The following NRXN3 variants were observed in gnomAD, a reference collection of about 807,000 sequenced individuals.
NRXN3 encodes the protein neurexin III.
Under a neutral mutation model 137.6 loss-of-function variants are expected in NRXN3, and 32 were observed. The ratio of observed to expected loss-of-function variants is 0.23; its 90% confidence interval spans 0.18 to 0.31. NRXN3 has a LOEUF of 0.31. NRXN3 is among the 10% of genes least tolerant of loss of function. The probability of loss-of-function intolerance (pLI) is 1.00; values close to 1 mark genes in which losing one functional copy is unlikely to be tolerated. For missense variants in NRXN3, 1,574 were observed against 2,062.5 expected (o/e 0.76, Z 4.59); for synonymous variants, 798 against 784.5 (o/e 1.02, Z -0.29).
rs775480719 is a variant in NRXN3, at chr14:79,861,957, A to G, written c.4709A>G (p.Tyr1570Cys). ...KKQKNKDREY[Y>C]V ...CAGAAAAACAAGGACAGGGAGTATT[A>G]CGTGTAAACATGCGAACACTGCTCA... The change falls in exon 21 of 21, where the codon TAC becomes TGC. Residue 1570 changes from tyrosine to cysteine, a missense_variant. Physicochemically the swap from Tyr to Cys is radical, Grantham distance 194. Coordinates refer to ENST00000335750, the MANE Select transcript of NRXN3 (RefSeq NM_001330195.2). The surrounding 1 kb of genome is among the most constrained non-coding windows in gnomAD (Gnocchi z 5.4). 1 of 1,611,412 alleles carries G rather than the reference A, an allele frequency of 6.2e-7. No individual in the cohort carries two copies. The highest frequency in any genetic ancestry group is 1.1e-5 in the South Asian group (1 of 90,798).
chr14:79,629,809 ATGTGCGTGTGTGTGTGCG>A (rs2098324905), intron 16 of NRXN3, among the ~76,000 whole-genome samples: 1 of 150,696 alleles, frequency 6.6e-6, no homozygotes, highest in East Asian at 1.9e-4. Flanking sequence ...GTGTGTGTGT[ATGTGCGTGTGTGTGTGCG>A]TGTGTGTGTG....
chr14:79,149,219 A>G (rs74545512), intron 15 of NRXN3, among the ~76,000 whole-genome samples: 4,358 of 152,184 alleles, frequency 0.029, 109 homozygotes, highest in East Asian at 0.065. Context: ...GATCATTTCC[A>G]AAGTCCAAAG....
intron 4 of NRXN3, among the ~76,000 whole-genome samples, chr14:78,529,556 T>C (rs868117950): frequency 1.3e-5 from 2 of 152,352 alleles, no homozygotes; most frequent in South Asian, 4.1e-4. Flanking sequence ...CTTCTACCTA[T>C]CCATAGAACC....
intron 16 of NRXN3, among the ~76,000 whole-genome samples, chr14:79,581,186 C>T (rs1417946260): frequency 6.6e-6 from 1 of 152,044 alleles, no homozygotes; most frequent in African/African-American, 2.4e-5. Flanking sequence ...ATCAAATCAC[C>T]GAGCCTTTGC....
chr14:78,737,416 T>A (rs937156693), intron 8 of NRXN3, among the ~76,000 whole-genome samples: 1 of 152,096 alleles, frequency 6.6e-6, no homozygotes, highest in Non-Finnish European at 1.5e-5. Flanking sequence ...ACACTAAAAA[T>A]CTGTTCAGCT....
chr14:78,955,134 C>T (rs536813137), intron 10 of NRXN3, among the ~76,000 whole-genome samples: 1 of 152,246 alleles, frequency 6.6e-6, no homozygotes, highest in Admixed American at 6.5e-5. Flanking sequence ...GCAGTTCTGC[C>T]TTCATAGCTA....
intron 4 of NRXN3, among the ~76,000 whole-genome samples, chr14:78,303,980 A>G (rs1459692754): frequency 6.6e-6 from 1 of 152,214 alleles, no homozygotes; most frequent in Non-Finnish European, 1.5e-5. Context: ...TGCTTACAAA[A>G]TTAAGTAATG....
chr14:78,786,039 A>C (rs140091910), intron 8 of NRXN3, among the ~76,000 whole-genome samples: 1,983 of 152,228 alleles, frequency 0.013, 17 homozygotes, highest in Non-Finnish European at 0.019. Context: ...TACAATAACT[A>C]TTTACCATTC....
At chr14:79,152,573 C>T (rs1483687447) in intron 15 of NRXN3, among the ~76,000 whole-genome samples, 1 of 151,980 alleles carries the variant, frequency 6.6e-6, no homozygotes, top group Non-Finnish European at 1.5e-5. Context: ...GCCTCTTAAT[C>T]ATGGCAGAAG....
At chr14:79,138,849 C>T (rs374567874) in intron 15 of NRXN3, among the ~76,000 whole-genome samples, 2 of 152,046 alleles carry the variant, frequency 1.3e-5, no homozygotes, top group African/African-American at 4.8e-5. Flanking sequence ...TTTTTTTCTT[C>T]AGAAAACAGG....
At chr14:79,008,783 C>T (rs748429685) in intron 15 of NRXN3, among the ~76,000 whole-genome samples, 6 of 151,894 alleles carry the variant, frequency 4.0e-5, no homozygotes, top group South Asian at 2.1e-4. Context: ...CTCAGCCTCC[C>T]GAGTAGCTGG....
intron 10 of NRXN3, among the ~76,000 whole-genome samples, chr14:78,888,848 TACAC>T (rs59053009): frequency 5.5e-5 from 8 of 146,382 alleles, no homozygotes; most frequent in Non-Finnish European, 7.6e-5. Flanking sequence ...ATCACACACA[TACAC>T]ACACACACAC....
intron 19 of NRXN3, among the ~76,000 whole-genome samples, chr14:79,773,697 A>G (rs56396219): frequency 0.62 from 93,864 of 150,724 alleles, 30,035 homozygotes; most frequent in Middle Eastern, 0.77. Context: ...GTTAGTGGGC[A>G]CAGCACACCA....
At chr14:78,493,840 A>G (rs1347100418) in intron 4 of NRXN3, among the ~76,000 whole-genome samples, 1 of 152,214 alleles carries the variant, frequency 6.6e-6, no homozygotes, top group African/African-American at 2.4e-5. Flanking sequence ...AACCAGGCTA[A>G]TATAAAACAA....
intron 15 of NRXN3, among the ~76,000 whole-genome samples, chr14:79,393,780 C>A (rs2094931825): frequency 6.6e-6 from 1 of 152,294 alleles, no homozygotes; most frequent in African/African-American, 2.4e-5. Flanking sequence ...GCTGCCACTG[C>A]ACTCCAGCCT....
intron 4 of NRXN3, among the ~76,000 whole-genome samples, chr14:78,558,967 A>G (rs537036118): frequency 9.2e-5 from 14 of 152,326 alleles, no homozygotes; most frequent in African/African-American, 3.1e-4. Context: ...TACACTGTAT[A>G]TGAATTTGGC....
intron 16 of NRXN3, among the ~76,000 whole-genome samples, chr14:79,564,690 A>G (rs987826349): frequency 6.6e-6 from 1 of 152,144 alleles, no homozygotes; most frequent in Non-Finnish European, 1.5e-5. Context: ...AATCTCAAAA[A>G]ATTATAATGC....
At chr14:79,669,156 G>A (rs1015501981) in intron 17 of NRXN3, 2 of 152,152 alleles carry the variant, frequency 1.3e-5, no homozygotes, top group African/African-American at 4.8e-5. Context: ...TCATTCATCC[G>A]TTCAGGACTA....
chr14:79,507,241 C>T (rs911595710), intron 16 of NRXN3, among the ~76,000 whole-genome samples: 13 of 152,144 alleles, frequency 8.5e-5, no homozygotes, highest in African/African-American at 1.9e-4. Context: ...TCAGTGAAAT[C>T]GGCCGCTTTT....
Sources: allele counts gnomAD v4.1 joint callset (sites outside exome capture counted in the v4.1 genomes callset), GRCh38; gene constraint gnomAD v4.1.1; non-coding constraint Gnocchi (gnomAD v3.1); transcripts MANE v1.5; gene names NCBI Gene and HGNC (gene_info 2026-07-23, HGNC 2026-07-21).